CSF2RB: variants seen among roughly 807,000 people sequenced by gnomAD.
CSF2RB encodes the protein cytokine receptor common subunit beta.
In CSF2RB, 22 loss-of-function variants were observed where a neutral mutation model predicts 67.2. That is an observed-to-expected ratio of 0.33 (90% CI 0.23 to 0.47). The LOEUF (loss-of-function observed/expected upper bound fraction) is 0.47. Ranked by LOEUF, CSF2RB falls within the 20% of genes least tolerant of loss-of-function variation. The pLI, the probability that CSF2RB is intolerant of heterozygous loss-of-function variation, is 1.00. For synonymous variants in CSF2RB, 507 were observed against 482.9 expected (o/e 1.05, Z -0.65); for missense variants, 1,113 against 1,174.5 (o/e 0.95, Z 0.76).
chr22:36,927,086 G>A (rs193021639), intron 4 of CSF2RB, among the ~76,000 whole-genome samples: 7 of 152,252 alleles, frequency 4.6e-5, no homozygotes, highest in South Asian at 2.1e-4. Flanking sequence ...CTGAGTCCCC[G>A]GTCCTAACCA....
In CSF2RB at chr22:36,925,221, C is replaced by T. The variant is rs181523341; in HGVS notation, c.201-766C>T. On this transcript the variant is annotated intron_variant, in intron 3 of 13. Transcript: ENST00000403662. ...CCTTCCTGACTGCTACATCCCTCCA[C>T]CAGCAAATGCTGCCAACCTTATCTC... Among the ~76,000 whole-genome samples, 870 of 152,318 alleles carry T rather than the reference C, an allele frequency of 5.7e-3. 2 individuals are homozygous for T. Among genetic ancestry groups the T allele is most frequent in the Middle Eastern group, 0.02 (6 of 294 alleles).
At chr22:36,932,451 A>C (rs1232578184) in intron 8 of CSF2RB, among the ~76,000 whole-genome samples, 1 of 152,128 alleles carries the variant, frequency 6.6e-6, no homozygotes, top group African/African-American at 2.4e-5. Flanking sequence ...AAAAAAAAAA[A>C]AAATAGCCAG....
At chr22:36,933,798 CG>C in intron 9 of CSF2RB, 33 bp from the exon 10 acceptor site, 1 of 1,588,530 alleles carries the variant, frequency 6.3e-7, no homozygotes, top group Non-Finnish European at 8.5e-7. Flanking sequence ...CCACGGGCAC[CG>C]GGCCAGGCCT....
Position 36,922,066 on chromosome 22 carries a change from G to A in CSF2RB, c.-142G>A, listed in dbSNP as rs1028689986. On this transcript the variant is annotated 5_prime_UTR_variant, in exon 2 of 14. Coordinates refer to ENST00000403662, the MANE Select transcript of CSF2RB (RefSeq NM_000395.3). ...GAGGAGGCAGAGGCCAGGAGGGAGAGGTCCCAAGAGCCTGTGAAATGGGTC... is the reference window on the plus strand; with the variant it reads ...GAGGAGGCAGAGGCCAGGAGGGAGAAGTCCCAAGAGCCTGTGAAATGGGTC... 5 of 717,062 alleles carry A rather than the reference G, an allele frequency of 7.0e-6. No homozygotes were observed. Among genetic ancestry groups the A allele is most frequent in the Non-Finnish European group, 1.2e-5 (5 of 412,310 alleles). The allele number at this position is 717,062 out of a possible 1,614,324, so 44.4% of individuals were successfully genotyped here. A position where few individuals can be genotyped will look rare whatever the true frequency, so the allele number is the denominator to read the frequency against.
intron 3 of CSF2RB, 123 bp downstream of exon 3, chr22:36,923,490 AGAG>A (rs1474532403): frequency 9.2e-6 from 13 of 1,420,352 alleles, no homozygotes; most frequent in Non-Finnish European, 1.2e-5. Flanking sequence ...GACAGAGGAC[AGAG>A]GAGGAGGGAG....
rs558615981 is a variant in CSF2RB, at chr22:36,927,758, G to T, written c.391+1581G>T. Among the ~76,000 whole-genome samples the T allele has an allele frequency of 1.8e-4, 28 of 152,314 alleles. 1 individual carries two copies. In the South Asian group the frequency reaches 5.8e-3, roughly 32 times the overall value. ...ATGCTGGGGACAGGGGACTTACAGG[G>T]TAGATTGGAGGAGCATTAGTTGGGA... is the stretch of plus-strand genomic sequence containing the variant. On this transcript the variant is annotated intron_variant, in intron 4 of 13. Transcript: ENST00000403662.
intron 13 of CSF2RB, 91 bp downstream of exon 13, chr22:36,936,743 T>G: frequency 9.1e-7 from 1 of 1,104,554 alleles, no homozygotes; most frequent in South Asian, 1.4e-5. Flanking sequence ...TGAGGCTGCC[T>G]GTGGCTCACT....
intron 3 of CSF2RB, among the ~76,000 whole-genome samples, chr22:36,924,888 A>G (rs1192639813): frequency 1.3e-5 from 2 of 152,052 alleles, no homozygotes; most frequent in Non-Finnish European, 2.9e-5. Context: ...GGCCCAGTCC[A>G]TGGACCTCCT....
intron 2 of CSF2RB, chr22:36,922,582 T>G: frequency 5.7e-6 from 3 of 528,882 alleles, no homozygotes; most frequent in East Asian, 6.5e-5. Context: ...CTGCCCCTCC[T>G]TCCCCAGCAG....
At position 36,937,626 on chromosome 22, in the gene CSF2RB, G is replaced by T; in HGVS notation, c.1818G>T (p.Leu606=). The change falls in exon 14 of 14, where the codon CTG becomes CTT. Residue 606 remains leucine, a synonymous_variant. Transcript: ENST00000403662. This position sits in a 1 kb window ranked among gnomAD's most constrained non-coding sequence, Gnocchi z 4.6. The part of the protein sequence containing the change: ...PPHSRSLPDI[L]GQPEPPQEGG... ...ACAGCCGCTCCCTACCTGACATCCT[G>T]GGCCAGCCGGAGCCCCCACAGGAGG... 1 of 1,563,770 alleles carries T rather than the reference G, an allele frequency of 6.4e-7. No homozygotes were observed.
intron 1 of CSF2RB, among the ~76,000 whole-genome samples, chr22:36,919,905 A>C (rs138625821): frequency 3.3e-5 from 5 of 152,166 alleles, no homozygotes; most frequent in African/African-American, 1.2e-4. Flanking sequence ...CTGGGTTAGC[A>C]TATGTCAGAA....
At position 36,939,303 on chromosome 22, in the gene CSF2RB, G is replaced by A. The variant is rs967621386; in HGVS notation, c.*801G>A. On this transcript the variant is annotated 3_prime_UTR_variant, in exon 14 of 14. Coordinates refer to ENST00000403662, the MANE Select transcript of CSF2RB (RefSeq NM_000395.3). ...GGCTGGCGGGACCTGGGGAACATCAGGAGAGGAGTCCAGAGCCCACGTCTA... is the reference window on the plus strand; with the variant it reads ...GGCTGGCGGGACCTGGGGAACATCAAGAGAGGAGTCCAGAGCCCACGTCTA... The A allele has an allele frequency of 4.6e-5, 32 of 701,638 alleles. No individual in the cohort carries two copies. The highest frequency in any genetic ancestry group is 3.0e-4 in the African/African-American group (17 of 57,356). The allele number at this position is 701,638 out of a possible 1,614,324, so 43.5% of individuals were successfully genotyped here.
Position 36,923,039 on chromosome 22 carries a change from T to G in CSF2RB, c.77-205T>G, listed in dbSNP as rs2072707. Among the ~76,000 whole-genome samples, 102,029 of 152,032 alleles carry G rather than the reference T, an allele frequency of 0.67. 34,550 individuals are homozygous for G. Among genetic ancestry groups the G allele is most frequent in the East Asian group, 0.9 (4,649 of 5,158 alleles). On this transcript the variant is annotated intron_variant, in intron 2 of 13. Transcript: ENST00000403662. ...CCATGCTGAGAACCAACAGAATGTC[T>G]TGCTTCTGCCAGGAGAGGAGGGTCC...
At chr22:36,919,679 G>T (rs922050596) in intron 1 of CSF2RB, among the ~76,000 whole-genome samples, 3 of 151,898 alleles carry the variant, frequency 2.0e-5, no homozygotes, top group Non-Finnish European at 2.9e-5. Context: ...CCAAAGTGCT[G>T]GGATTACAGG....
chr22:36,920,492 A>G (rs1394710178), intron 1 of CSF2RB, among the ~76,000 whole-genome samples: 1 of 152,246 alleles, frequency 6.6e-6, no homozygotes, highest in Non-Finnish European at 1.5e-5. Context: ...CCGCACCTTG[A>G]TCTTGAACTT....
intron 12 of CSF2RB, among the ~76,000 whole-genome samples, 167 bp downstream of exon 12, chr22:36,935,854 C>T (rs371050656): frequency 2.3e-4 from 35 of 152,278 alleles, no homozygotes; most frequent in Middle Eastern, 3.4e-3. Context: ...AATTCATTCC[C>T]GGGATTCCCT....
chr22:36,922,188 G>A lies in CSF2RB; in HGVS notation c.-20G>A, dbSNP rs375025845. 1 of 1,572,868 alleles carries A rather than the reference G, an allele frequency of 6.4e-7. No homozygotes were observed. The highest frequency in any genetic ancestry group is 1.2e-5 in the South Asian group (1 of 85,754). ...CACCCACCAGTGCTGGTGCCTGCCT[G>A]TCCAGAGCTGACCAGGGAGATGGTG... On this transcript the variant is annotated 5_prime_UTR_variant, in exon 2 of 14. Coordinates refer to ENST00000403662, the MANE Select transcript of CSF2RB (RefSeq NM_000395.3).
chr22:36,925,883 C>T (rs1296110851), intron 3 of CSF2RB, 104 bp from the exon 4 acceptor site: 2 of 1,276,774 alleles, frequency 1.6e-6, no homozygotes, highest in Non-Finnish European at 2.2e-6. Context: ...CACTGCTGGC[C>T]CCTGATTCTG....
At chr22:36,930,564 A>T in intron 7 of CSF2RB, 54 bp downstream of exon 7, 1 of 1,611,448 alleles carries the variant, frequency 6.2e-7, no homozygotes, top group Non-Finnish European at 8.5e-7. Context: ...GCTCTCTCCA[A>T]GCTTCCTCCT....
Sources: gnomAD v4.1 joint callset for allele counts (sites outside exome capture counted in the v4.1 genomes callset) on GRCh38, gnomAD v4.1.1 for gene constraint, Gnocchi (gnomAD v3.1) non-coding constraint, MANE v1.5 for transcripts, NCBI Gene and HGNC (gene_info 2026-07-23, HGNC 2026-07-21) for gene names.